The following CEP112 variants were observed in gnomAD, a reference collection of about 807,000 sequenced individuals.
The protein encoded by CEP112 is centrosomal protein 112, also known as centrosomal protein of 112 kDa.
A neutral mutation model predicts 153.0 loss-of-function variants in CEP112; 127 were observed. The ratio of observed to expected loss-of-function variants is 0.83; its 90% CI spans 0.72 to 0.96. The LOEUF (loss-of-function observed/expected upper bound fraction) is 0.96, where lower values mean the gene tolerates loss of function less well. Ranked by LOEUF, CEP112 falls within the 40% of genes least tolerant of loss-of-function variation. CEP112 has a pLI of 0.00. For synonymous variants in CEP112, 358 were observed against 374.4 expected (o/e 0.96, Z 0.51); for missense variants, 1,089 against 1,101.2 (o/e 0.99, Z 0.16).
At chr17:65,694,394 G>A (rs150629604) in intron 23 of CEP112, among the ~76,000 whole-genome samples, 8 of 152,280 alleles carry the variant, frequency 5.3e-5, no homozygotes, top group African/African-American at 1.9e-4. Context: ...ACTTCACATA[G>A]TGAACAGACT....
intron 11 of CEP112, among the ~76,000 whole-genome samples, chr17:66,054,833 T>C (rs1205404703): frequency 1.3e-5 from 2 of 152,212 alleles, no homozygotes; most frequent in Non-Finnish European, 2.9e-5. Flanking sequence ...CTCGGCTCAG[T>C]GCAACCTCCG....
chr17:65,741,701 T>C (rs2051148691), intron 23 of CEP112, among the ~76,000 whole-genome samples: 1 of 151,906 alleles, frequency 6.6e-6, no homozygotes, highest in African/African-American at 2.4e-5. Context: ...GATTGCTCAT[T>C]TAAAATTTGG....
chr17:65,978,038 A>T (rs1052909259), intron 17 of CEP112, among the ~76,000 whole-genome samples: 7 of 152,158 alleles, frequency 4.6e-5, no homozygotes, highest in African/African-American at 1.4e-4. Context: ...TACTGCCATC[A>T]CACTCCAGCC....
intron 1 of CEP112, among the ~76,000 whole-genome samples, chr17:66,183,652 G>T (rs903576585): frequency 6.6e-6 from 1 of 152,060 alleles, no homozygotes; most frequent in Admixed American, 6.5e-5. Context: ...GAAAAGATTA[G>T]AGAGTCCAGA....
At chr17:65,703,265 C>T (rs2048730974) in intron 23 of CEP112, among the ~76,000 whole-genome samples, 1 of 152,102 alleles carries the variant, frequency 6.6e-6, no homozygotes, top group Non-Finnish European at 1.5e-5. Flanking sequence ...CAGTGGCTCA[C>T]ACTTTGGGAG....
intron 23 of CEP112, among the ~76,000 whole-genome samples, chr17:65,736,142 TA>T (rs2050792164): frequency 1.3e-5 from 2 of 152,042 alleles, no homozygotes; most frequent in African/African-American, 4.8e-5. Context: ...AGGTAGGATC[TA>T]GTGATTGGGG....
intron 24 of CEP112, chr17:65,655,451 A>G (rs2046016503): frequency 1.4e-5 from 15 of 1,066,048 alleles, no homozygotes; most frequent in Non-Finnish European, 1.7e-5. Flanking sequence ...TGTCTTTTGA[A>G]TGGGCCACAG....
chr17:65,704,643 T>C (rs893459172), intron 23 of CEP112, among the ~76,000 whole-genome samples: 3 of 152,208 alleles, frequency 2.0e-5, no homozygotes, highest in Non-Finnish European at 4.4e-5. Context: ...GCCACTCCAA[T>C]AGAATAGATG....
intron 6 of CEP112, among the ~76,000 whole-genome samples, chr17:66,128,452 T>C (rs1020261032): frequency 2.0e-5 from 3 of 152,162 alleles, no homozygotes; most frequent in Admixed American, 2.0e-4. Flanking sequence ...CTGCTTTCAT[T>C]AAAGACCATT....
intron 5 of CEP112, among the ~76,000 whole-genome samples, chr17:66,132,174 A>C (rs950199585): frequency 1.7e-5 from 1 of 57,542 alleles, no homozygotes; most frequent in Non-Finnish European, 5.1e-5. Flanking sequence ...ATCTCAAAAA[A>C]AAAAAAAAAA....
At chr17:65,934,667 A>G (rs1429668632) in intron 18 of CEP112, among the ~76,000 whole-genome samples, 1 of 152,244 alleles carries the variant, frequency 6.6e-6, no homozygotes, top group Non-Finnish European at 1.5e-5. Flanking sequence ...ATGGACACAA[A>G]TAGACTAAAA....
intron 21 of CEP112, among the ~76,000 whole-genome samples, chr17:65,780,565 T>G (rs1255953086): frequency 6.6e-6 from 1 of 152,090 alleles, no homozygotes; most frequent in Non-Finnish European, 1.5e-5. Context: ...TTCTGTAATA[T>G]TTTTCTAAGT....
intron 23 of CEP112, among the ~76,000 whole-genome samples, chr17:65,721,717 G>A (rs528175769): frequency 6.6e-6 from 1 of 152,224 alleles, no homozygotes; most frequent in African/African-American, 2.4e-5. Flanking sequence ...GATCGTTATT[G>A]ATCAACAGTT....
At chr17:65,803,744 A>G (rs775269130) in intron 21 of CEP112, among the ~76,000 whole-genome samples, 1 of 152,360 alleles carries the variant, frequency 6.6e-6, no homozygotes, top group Non-Finnish European at 1.5e-5. Flanking sequence ...ATAATATCTA[A>G]GTGCATCATG....
chr17:65,995,898 C>T (rs2063768996), intron 17 of CEP112, among the ~76,000 whole-genome samples: 1 of 152,158 alleles, frequency 6.6e-6, no homozygotes, highest in Non-Finnish European at 1.5e-5. Flanking sequence ...ACTTGGCTCT[C>T]ATTCTCTCTT....
intron 11 of CEP112, among the ~76,000 whole-genome samples, chr17:66,055,804 A>T (rs117832662): frequency 8.5e-4 from 130 of 152,312 alleles, no homozygotes; most frequent in Non-Finnish European, 1.6e-3. Flanking sequence ...ACTGGCAAAA[A>T]CAACTATGCT....
intron 11 of CEP112, among the ~76,000 whole-genome samples, chr17:66,057,818 T>C (rs75456226): frequency 0.013 from 2,026 of 150,390 alleles, 44 homozygotes; most frequent in African/African-American, 0.047. Flanking sequence ...AGGGGGCAGG[T>C]ACAGTGGCTC....
chr17:65,961,428 G>T (rs1599155069), intron 18 of CEP112, 35 bp downstream of exon 18: 3 of 1,547,962 alleles, frequency 1.9e-6, no homozygotes, highest in South Asian at 1.2e-5. Context: ...CTGAGAGAGT[G>T]ACTTTCAAAA....
rs201923142 is a variant in CEP112, at chr17:65,961,559, C to T, written c.1776G>A (p.Gln592=). Residue 592 remains glutamine (Q), a synonymous_variant, in exon 18 of 27, where the codon CAG becomes CAA. Transcript: ENST00000535342. ...CATCTGCCTGCTGGGCCTGCAACCT[C>T]TGAACTTCAGTCACACGAGTTAGCT... The part of the protein sequence containing the change: ...EEQLTRVTEV[Q]RLQAQQADAA... 5 of 1,613,258 alleles carry T rather than the reference C, an allele frequency of 3.1e-6. No individual in the cohort carries two copies. Among genetic ancestry groups the T allele is most frequent in the Middle Eastern group, 3.3e-4 (2 of 6,046 alleles).
Sources: allele counts gnomAD v4.1 joint callset (sites outside exome capture counted in the v4.1 genomes callset), GRCh38; gene constraint gnomAD v4.1.1; transcripts MANE v1.5; gene names NCBI Gene and HGNC (gene_info 2026-07-23, HGNC 2026-07-21).